The following SUPT16H variants were observed in gnomAD, a reference collection of about 807,000 sequenced individuals.
SUPT16H encodes SPT16 homolog, facilitates chromatin remodeling subunit, also known as FACT complex subunit SPT16.
A neutral mutation model predicts 136.2 loss-of-function variants in SUPT16H; 24 were observed. The ratio of observed to expected loss-of-function variants is 0.18; its 90% confidence interval spans 0.13 to 0.25. SUPT16H has a LOEUF of 0.25. Ranked by LOEUF, SUPT16H falls within the 10% of genes least tolerant of loss-of-function variation. The pLI is 1.00. For synonymous variants in SUPT16H, 415 were observed against 428.2 expected, an observed-to-expected ratio of 0.97 and a Z score of 0.38; for missense variants, 623 against 1,270.2, an observed-to-expected ratio of 0.49 and a Z score of 7.74.
chr14:21,361,796 C>T (rs1169534012), intron 15 of SUPT16H, among the ~76,000 whole-genome samples: 10 of 151,888 alleles, frequency 6.6e-5, no homozygotes, highest in African/African-American at 2.4e-4. Context: ...GACAAGGTCT[C>T]GTTCTGTTGC....
chr14:21,383,767 T>C (rs1887103816), intron 1 of SUPT16H, 95 bp downstream of exon 1: 1 of 1,438,168 alleles, frequency 7.0e-7, no homozygotes, highest in African/African-American at 1.4e-5. Context: ...AACCCGGGAA[T>C]TCCTGACCGA....
chr14:21,366,413 G>A, intron 8 of SUPT16H, 26 bp downstream of exon 8: 1 of 1,605,330 alleles, frequency 6.2e-7, no homozygotes, highest in African/African-American at 1.3e-5. Context: ...ACTGACTCAA[G>A]AATGACAATA....
In SUPT16H at chr14:21,357,414, G is replaced by A. The variant is rs141359655; in HGVS notation, c.2491-48C>T. ...TTAGCATATAAGTATTTCCCCCAAA[G>A]CAATAATATTTCAAATAACTTTCAT... is the stretch of plus-strand genomic sequence containing the variant. On this transcript the variant is annotated intron_variant, in intron 21 of 25. Coordinates refer to ENST00000216297, the MANE Select transcript of SUPT16H (RefSeq NM_007192.4). 2,009 of 1,450,266 alleles carry A rather than the reference G, an allele frequency of 1.4e-3. 34 individuals carry two copies. The African/African-American group carries it at 0.026, about 19-fold the overall frequency. The allele number at this position is 1,450,266 out of a possible 1,614,324, so 89.8% of individuals were successfully genotyped here. A position where few individuals can be genotyped will look rare whatever the true frequency, so the allele number is the denominator to read the frequency against.
chr14:21,378,341 AAAT>A (rs1453551055), intron 1 of SUPT16H, among the ~76,000 whole-genome samples: 1 of 152,226 alleles, frequency 6.6e-6, no homozygotes, highest in East Asian at 1.9e-4. Context: ...ATGCCAGGAA[AAAT>A]AAAAAACTGT....
At chr14:21,383,748 G>A in intron 1 of SUPT16H, 114 bp downstream of exon 1, 4 of 1,216,288 alleles carry the variant, frequency 3.3e-6, no homozygotes, top group Non-Finnish European at 4.9e-6. Context: ...CGAAAAGGGT[G>A]AGGCACAGAA....
chr14:21,366,586 A>G, intron 7 of SUPT16H, 57 bp from the exon 8 acceptor site: 1 of 1,534,840 alleles, frequency 6.5e-7, no homozygotes, highest in Non-Finnish European at 8.9e-7. Flanking sequence ...AAACTCAGTA[A>G]CATTTTAAAA....
Position 21,373,371 on chromosome 14 carries a change from TTCA to T in SUPT16H, c.123_125del (p.Asp41del). 3 of 1,614,146 alleles carry T rather than the reference TTCA, an allele frequency of 1.9e-6. No individual in the cohort carries two copies. The highest frequency in any genetic ancestry group is 2.5e-6 in the Non-Finnish European group (3 of 1,179,988). On this transcript the variant is annotated inframe_deletion, in exon 2 of 26. Transcript: ENST00000216297. ...CAGTTGATTTGGCATAAACAATTTC[TTCA>T]TCAACACCCACTGATACAACAATGG...
In SUPT16H at chr14:21,353,578, T is replaced by A; in HGVS notation, c.2921-13A>T. 1 of 1,612,950 alleles carries A rather than the reference T, an allele frequency of 6.2e-7. No individual in the cohort carries two copies. Among genetic ancestry groups the A allele is most frequent in the African/African-American group, 1.3e-5 (1 of 74,964 alleles). On this transcript the variant is annotated splice_polypyrimidine_tract_variant and intron_variant, in intron 24 of 25. Transcript: ENST00000216297. ...TCCTTAGAATAGTCTGGAAGAAAAT[T>A]AATTAAGCGTTAGTCATCATGCGGG...
chr14:21,363,081 T>A lies in SUPT16H; in HGVS notation c.1464A>T (p.Glu488Asp). 6.2e-7 allele frequency: 1 copy of A among 1,613,964 alleles called. No homozygotes were observed. The highest frequency in any genetic ancestry group is 8.5e-7 in the Non-Finnish European group (1 of 1,180,034). The part of the protein sequence containing the change: ...QKELAAQLNE[E>D]AKRRLTEQKG... Reference sequence around the variant, plus strand: ...TTTGTTCAGTCAATCGCCTCTTTGCTTCTTCATTGAGTTGAGCCGCTAGTT... The same window carrying A: ...TTTGTTCAGTCAATCGCCTCTTTGCATCTTCATTGAGTTGAGCCGCTAGTT... The change falls in exon 13 of 26, where the codon GAA becomes GAT. Residue 488 changes from glutamate (E) to aspartate (D), a missense_variant. Physicochemically the swap from Glu to Asp is conservative, Grantham distance 45. Around this residue, in one of 7 missense-constraint regions of SUPT16H, gnomAD observed 30 missense variants for 44.8 expected, o/e 0.67. Coordinates refer to ENST00000216297, the MANE Select transcript of SUPT16H (RefSeq NM_007192.4).
Position 21,371,877 on chromosome 14 carries a change from T to C in SUPT16H, c.327A>G (p.Glu109=), listed in dbSNP as rs767092722. 4 of 1,613,736 alleles carry C rather than the reference T, an allele frequency of 2.5e-6. No homozygotes were observed. ...CACATTCTTTATTAATCCTGACCTTTTCTCGTATTAGCAGTGTGATGGCAG... is the reference window on the plus strand; with the variant it reads ...CACATTCTTTATTAATCCTGACCTTCTCTCGTATTAGCAGTGTGATGGCAG... ...GAPAITLLIR[E]KNESNKSSFD... is the part of the protein sequence containing the mutation. Residue 109 remains glutamate, a synonymous_variant, in exon 3 of 26, where the codon GAA becomes GAG. Coordinates refer to ENST00000216297, the MANE Select transcript of SUPT16H (RefSeq NM_007192.4).
intron 8 of SUPT16H, among the ~76,000 whole-genome samples, chr14:21,365,804 C>T (rs1046000688): frequency 1.3e-5 from 2 of 151,640 alleles, no homozygotes; most frequent in African/African-American, 4.9e-5. Context: ...AAAAAAAAAC[C>T]CCCAAAACAA....
chr14:21,373,495 T>C, intron 1 of SUPT16H, 65 bp from the exon 2 acceptor site: 2 of 1,168,650 alleles, frequency 1.7e-6, no homozygotes, highest in South Asian at 1.2e-5. Flanking sequence ...CAGCCTTCAA[T>C]ATTTATCTAG....
Position 21,370,545 on chromosome 14 carries a change from T to C in SUPT16H, c.331-57A>G, listed in dbSNP as rs1886763913. The stretch of plus-strand genomic sequence containing the variant: ...ATGTTTTACCAGTTCATTAGACACG[T>C]TTTACCAGTAACAGGTAGAATAATA... On this transcript the variant is annotated intron_variant, in intron 3 of 25. Transcript: ENST00000216297. The C allele has an allele frequency of 1.9e-6, 3 of 1,561,236 alleles. No individual in the cohort carries two copies. In the Admixed American group the frequency reaches 5.3e-5, roughly 27 times the overall value.
chr14:21,357,024 G>C (rs924004151), intron 22 of SUPT16H, among the ~76,000 whole-genome samples, 173 bp downstream of exon 22: 1 of 152,194 alleles, frequency 6.6e-6, no homozygotes, highest in African/African-American at 2.4e-5. Context: ...TCAAGAAAAA[G>C]TGAACAGCTC....
chr14:21,360,551 G>A lies in SUPT16H; in HGVS notation c.2057-18C>T. 1.3e-6 allele frequency: 2 copies of A among 1,595,968 alleles called. No homozygotes were observed. The highest frequency in any genetic ancestry group is 1.7e-6 in the Non-Finnish European group (2 of 1,165,612). On this transcript the variant is annotated intron_variant, in intron 17 of 25. Transcript: ENST00000216297. ...GCGGAAGCCTGGGGAAAAGAATGAAGAAATGTCAAGCAGTATAATTAAGTT... is the reference window on the plus strand; with the variant it reads ...GCGGAAGCCTGGGGAAAAGAATGAAAAAATGTCAAGCAGTATAATTAAGTT...
chr14:21,362,635 G>A (rs1886580956), intron 14 of SUPT16H, among the ~76,000 whole-genome samples, 159 bp downstream of exon 14: 1 of 152,178 alleles, frequency 6.6e-6, no homozygotes, highest in South Asian at 2.1e-4. Flanking sequence ...AAAACTGAAA[G>A]AGGAAGGAGA....
chr14:21,377,903 C>T (rs867369086), intron 1 of SUPT16H, among the ~76,000 whole-genome samples: 7 of 152,200 alleles, frequency 4.6e-5, no homozygotes, highest in South Asian at 2.1e-4. Context: ...ATATTACAGG[C>T]GTGAATGAAC....
At chr14:21,383,620 C>T (rs1181578250) in intron 1 of SUPT16H, 1 of 704,664 alleles carries the variant, frequency 1.4e-6, no homozygotes, top group African/African-American at 1.7e-5. Context: ...TGCTGCTATG[C>T]ATGACCAAGG....
intron 19 of SUPT16H, 100 bp from the exon 20 acceptor site, chr14:21,358,527 A>T: frequency 1.2e-6 from 1 of 803,342 alleles, no homozygotes; most frequent in Non-Finnish European, 2.0e-6. Flanking sequence ...TAAAAATTCC[A>T]ACTTTTAAGT....
Sources: gnomAD v4.1 joint callset for allele counts (sites outside exome capture counted in the v4.1 genomes callset) on GRCh38, gnomAD v4.1.1 for gene constraint, gnomAD v4.1.1 regional missense constraint, MANE v1.5 for transcripts, NCBI Gene and HGNC (gene_info 2026-07-23, HGNC 2026-07-21) for gene names.